The following UPK3A variants were observed in gnomAD, a reference collection of about 807,000 sequenced individuals.
The protein encoded by UPK3A is uroplakin-3a.
A neutral mutation model predicts 27.6 loss-of-function variants in UPK3A; 32 were observed. The ratio of observed to expected loss-of-function variants is 1.16; its 90% CI spans 0.87 to 1.55. The LOEUF (loss-of-function observed/expected upper bound fraction) is 1.55. UPK3A is among the 40% of genes most tolerant of loss of function. The pLI is 0.00. For synonymous variants in UPK3A, 171 were observed against 163.9 expected, an observed-to-expected ratio of 1.04 and a Z score of -0.33; for missense variants, 370 against 367.9, an observed-to-expected ratio of 1.01 and a Z score of -0.05.
intron 4 of UPK3A, 93 bp downstream of exon 4, chr22:45,289,236 G>C: frequency 7.6e-7 from 1 of 1,320,422 alleles, no homozygotes; most frequent in Non-Finnish European, 1.1e-6. Flanking sequence ...CTCTGTCCCT[G>C]TGAAAGCCTC....
chr22:45,290,284 A>G (rs916553490), intron 4 of UPK3A, among the ~76,000 whole-genome samples: 1 of 152,220 alleles, frequency 6.6e-6, no homozygotes, highest in African/African-American at 2.4e-5. Context: ...CTTGGCCCCC[A>G]AGACGAGGCT....
intron 3 of UPK3A, among the ~76,000 whole-genome samples, chr22:45,287,855 G>C (rs943036070): frequency 1.2e-4 from 18 of 151,996 alleles, no homozygotes; most frequent in African/African-American, 3.9e-4. Flanking sequence ...GTACAGATGG[G>C]GTTTCATCAT....
In UPK3A at chr22:45,287,174, A is replaced by T. The variant is rs1465279176; in HGVS notation, c.211A>T (p.Ile71Phe). The T allele has an allele frequency of 6.2e-7, 1 of 1,614,062 alleles. No homozygotes were observed. ...GACTCCCTGCACCGCCTCTGCAGCC[A>T]TTTCCAGGAATGCCTCAGTGCAAGA... Reference protein sequence around the residue: ...VYLYVLVDSAISRNASVQDST... With the variant: ...VYLYVLVDSAFSRNASVQDST... The change falls in exon 3 of 6, where the codon ATT becomes TTT. Residue 71 changes from isoleucine to phenylalanine, a missense_variant and splice_region_variant. Transcript: ENST00000216211.
rs75541094 is a variant in UPK3A at position 45,286,655 on chromosome 22, G to A, written c.209-517G>A. Among the ~76,000 whole-genome samples, 1,282 of 152,188 alleles carry A rather than the reference G, an allele frequency of 8.4e-3. 19 individuals carry two copies. Among genetic ancestry groups the A allele is most frequent in the African/African-American group, 0.029 (1,214 of 41,490 alleles). On this transcript the variant is annotated intron_variant, in intron 2 of 5. Transcript: ENST00000216211. ...GCCAGTCATTTACAACAGCTCATTC[G>A]GGACCATCCTTTTCTTCTTTCAGCA...
At chr22:45,289,179 G>A (rs771208239) in intron 4 of UPK3A, 36 bp downstream of exon 4, 2 of 1,609,806 alleles carry the variant, frequency 1.2e-6, no homozygotes, top group East Asian at 4.5e-5. Flanking sequence ...GATGCTCAAG[G>A]GGACCCGAGA....
chr22:45,284,987 C>T lies in UPK3A; in HGVS notation c.-27C>T. On this transcript the variant is annotated 5_prime_UTR_variant, in exon 1 of 6. Coordinates refer to ENST00000216211, the MANE Select transcript of UPK3A (RefSeq NM_006953.4). Reference sequence around the variant, plus strand: ...GCGCCTGCTCGCTGGACCGCCCGCCCCGCGCTCTGGCGGCTCCTCCCGGGC... The same window carrying T: ...GCGCCTGCTCGCTGGACCGCCCGCCTCGCGCTCTGGCGGCTCCTCCCGGGC... The T allele has an allele frequency of 1.3e-6, 2 of 1,529,046 alleles. No homozygotes were observed. The highest frequency in any genetic ancestry group is 1.7e-6 in the Non-Finnish European group (2 of 1,144,260). The allele number at this position is 1,529,046 out of a possible 1,614,324, so 94.7% of individuals were successfully genotyped here.
At position 45,289,146 on chromosome 22, in the gene UPK3A, A is replaced by C. The variant is rs780035913; in HGVS notation, c.571+3A>C. 6.2e-7 allele frequency: 1 copy of C among 1,613,866 alleles called. No individual in the cohort carries two copies. The highest frequency in any genetic ancestry group is 8.5e-7 in the Non-Finnish European group (1 of 1,179,940). ...AGACCCCATCCGCACCAACCAGCGTAAGTGGTGGGCAGTGGTGGTGGTGAT... is the reference window on the plus strand; with the variant it reads ...AGACCCCATCCGCACCAACCAGCGTCAGTGGTGGGCAGTGGTGGTGGTGAT... On this transcript the variant is annotated splice_donor_region_variant and intron_variant, in intron 4 of 5. Coordinates refer to ENST00000216211, the MANE Select transcript of UPK3A (RefSeq NM_006953.4).
At chr22:45,294,049 C>T (rs539580926) in intron 5 of UPK3A, among the ~76,000 whole-genome samples, 35 of 152,104 alleles carry the variant, frequency 2.3e-4, no homozygotes, top group South Asian at 1.0e-3. Context: ...ACCAAGGTGC[C>T]GTGGGAATCC....
chr22:45,294,848 C>T (rs1187072869), intron 5 of UPK3A, among the ~76,000 whole-genome samples: 1 of 151,836 alleles, frequency 6.6e-6, no homozygotes, highest in Admixed American at 6.6e-5. Context: ...CTGACTGACC[C>T]CACACTTGGA....
chr22:45,294,753 G>T (rs2084183747), intron 5 of UPK3A, among the ~76,000 whole-genome samples: 1 of 151,844 alleles, frequency 6.6e-6, no homozygotes, highest in Admixed American at 6.6e-5. Flanking sequence ...TCCCCACTTT[G>T]TTCCGGCTCC....
intron 4 of UPK3A, 114 bp from the exon 5 acceptor site, chr22:45,293,067 A>C: frequency 6.6e-7 from 1 of 1,516,444 alleles, no homozygotes; most frequent in Non-Finnish European, 8.9e-7. Flanking sequence ...ACTGGGTCCC[A>C]GGGTCATCCC....
intron 4 of UPK3A, 56 bp from the exon 5 acceptor site, chr22:45,293,125 A>C: frequency 6.2e-7 from 1 of 1,607,724 alleles, no homozygotes; most frequent in Non-Finnish European, 8.5e-7. Context: ...GCCTCCTGGG[A>C]GAAGGGTGAG....
At chr22:45,295,259 T>C (rs2084187275) in intron 5 of UPK3A, among the ~76,000 whole-genome samples, 2 of 152,084 alleles carry the variant, frequency 1.3e-5, no homozygotes, top group Admixed American at 1.3e-4. Context: ...TGCGTGGTCA[T>C]TGTTGCAGTC....
At chr22:45,292,347 C>T (rs534962649) in intron 4 of UPK3A, among the ~76,000 whole-genome samples, 2 of 152,280 alleles carry the variant, frequency 1.3e-5, no homozygotes, top group South Asian at 4.1e-4. Flanking sequence ...GCTGGGGACT[C>T]AGGCTCCCTG....
Position 45,285,063 on chromosome 22 carries a change from C to A in UPK3A, c.50C>A (p.Ser17Ter), listed in dbSNP as rs2084108383. ...LLALGCLRFG[S>*]AVNLQPQLAS... Reference sequence around the variant, plus strand: ...GCCCTCGGCTGCCTGCGGTTCGGCTCGGGTAGGCGGTGAAGGGCAGGAGGG... The same window carrying A: ...GCCCTCGGCTGCCTGCGGTTCGGCTAGGGTAGGCGGTGAAGGGCAGGAGGG... The change falls in exon 1 of 6, where the codon TCG becomes TAG. Residue 17 changes from serine to a stop codon, truncating the protein, a stop_gained and splice_region_variant. Transcript: ENST00000216211. LOFTEE classifies it high-confidence loss of function. 3.9e-6 allele frequency: 6 copies of A among 1,536,052 alleles called. 1 individual carries two copies. The South Asian group carries it at 7.1e-5, about 18-fold the overall frequency.
At chr22:45,285,678 A>C (rs1379174024) in intron 1 of UPK3A, among the ~76,000 whole-genome samples, 4 of 152,138 alleles carry the variant, frequency 2.6e-5, no homozygotes, top group Non-Finnish European at 2.9e-5. Flanking sequence ...GGCCGATGGC[A>C]TGGAGAGATG....
At chr22:45,289,011 G>C (rs760144060) in intron 3 of UPK3A, 50 bp from the exon 4 acceptor site, 1 of 1,594,474 alleles carries the variant, frequency 6.3e-7, no homozygotes, top group Non-Finnish European at 8.6e-7. Context: ...CTCCCTGTGG[G>C]TGGGGCTCAC....
intron 4 of UPK3A, among the ~76,000 whole-genome samples, chr22:45,292,342 G>C (rs2084167830): frequency 6.6e-6 from 1 of 152,140 alleles, no homozygotes; most frequent in Non-Finnish European, 1.5e-5. Context: ...CCTTGGCTGG[G>C]GACTCAGGCT....
intron 4 of UPK3A, 94 bp downstream of exon 4, chr22:45,289,237 T>G: frequency 7.7e-7 from 1 of 1,305,524 alleles, no homozygotes; most frequent in Non-Finnish European, 1.1e-6. Context: ...TCTGTCCCTG[T>G]GAAAGCCTCC....
Sources: allele counts gnomAD v4.1 joint callset (sites outside exome capture counted in the v4.1 genomes callset), GRCh38; gene constraint gnomAD v4.1.1; transcripts MANE v1.5; gene names NCBI Gene and HGNC (gene_info 2026-07-23, HGNC 2026-07-21).